The following KCND3 variants were observed in gnomAD, a reference collection of about 807,000 sequenced individuals.
KCND3 encodes potassium voltage-gated channel subfamily D member 3, also known as A-type voltage-gated potassium channel KCND3.
In KCND3, 9 loss-of-function variants were observed where a neutral mutation model predicts 51.1. The ratio of observed to expected loss-of-function variants is 0.18; its 90% confidence interval spans 0.11 to 0.31. The LOEUF is 0.31. KCND3 is among the 10% of genes least tolerant of loss of function. KCND3 has a pLI of 1.00. For missense variants in KCND3, 526 were observed against 903.8 expected (o/e 0.58, Z 5.36); for synonymous variants, 349 against 368.0 (o/e 0.95, Z 0.59).
At chr1:111,798,158 C>T (rs114665818) in intron 2 of KCND3, among the ~76,000 whole-genome samples, 4,422 of 152,268 alleles carry the variant, frequency 0.029, 90 homozygotes, top group Non-Finnish European at 0.043. Flanking sequence ...CCATCTCTAG[C>T]GAAGCTCCCA....
chr1:111,980,549 A>T (rs1485167172), intron 2 of KCND3, among the ~76,000 whole-genome samples: 1 of 152,198 alleles, frequency 6.6e-6, no homozygotes, highest in African/African-American at 2.4e-5. Context: ...AAGACAAAAT[A>T]AAAAGCTTCA....
At chr1:111,781,525 T>C (rs75934268) in intron 3 of KCND3, among the ~76,000 whole-genome samples, 1,675 of 152,258 alleles carry the variant, frequency 0.011, 26 homozygotes, top group African/African-American at 0.039. Flanking sequence ...ATGTATATGG[T>C]TTTTTTATTT....
intron 2 of KCND3, among the ~76,000 whole-genome samples, chr1:111,947,967 C>T (rs1193609862): frequency 2.0e-5 from 3 of 152,182 alleles, no homozygotes; most frequent in Non-Finnish European, 4.4e-5. Flanking sequence ...GTCAGGTAAG[C>T]AGTCAGGGGG....
chr1:111,984,918 C>T (rs1419872738), intron 1 of KCND3, among the ~76,000 whole-genome samples: 10 of 152,166 alleles, frequency 6.6e-5, no homozygotes, highest in Admixed American at 5.9e-4. Context: ...GCTCTTGACT[C>T]GTTGTTTGCC....
intron 2 of KCND3, among the ~76,000 whole-genome samples, chr1:111,827,545 T>A (rs1416794776): frequency 6.6e-6 from 1 of 152,216 alleles, no homozygotes; most frequent in Non-Finnish European, 1.5e-5. Context: ...ATAATCACAG[T>A]GGCAGCAGCT....
At chr1:111,973,377 C>T (rs929702069) in intron 2 of KCND3, among the ~76,000 whole-genome samples, 1 of 152,210 alleles carries the variant, frequency 6.6e-6, no homozygotes, top group Admixed American at 6.5e-5. Flanking sequence ...GTAGAGATTT[C>T]CCAGTCTCCT....
intron 2 of KCND3, among the ~76,000 whole-genome samples, chr1:111,976,684 A>G (rs968100632): frequency 3.3e-5 from 5 of 152,248 alleles, no homozygotes; most frequent in Admixed American, 3.3e-4. Context: ...AAGAGGAGGC[A>G]AGAGAAGTGT....
chr1:111,957,798 T>C (rs573132664), intron 2 of KCND3, among the ~76,000 whole-genome samples: 1 of 152,220 alleles, frequency 6.6e-6, no homozygotes, highest in Non-Finnish European at 1.5e-5. Context: ...CTCATTTACC[T>C]ATTGTCTATG....
intron 2 of KCND3, among the ~76,000 whole-genome samples, chr1:111,865,848 G>A (rs1334342149): frequency 6.6e-6 from 1 of 152,112 alleles, no homozygotes; most frequent in Admixed American, 6.5e-5. Context: ...GAGACTACAG[G>A]TATGCACCAT....
chr1:111,970,944 A>T (rs1354478014), intron 2 of KCND3, among the ~76,000 whole-genome samples: 1 of 152,126 alleles, frequency 6.6e-6, no homozygotes, highest in Non-Finnish European at 1.5e-5. Context: ...TGTCTCCTAG[A>T]GGGGGCAGGT....
chr1:111,981,920 G>C lies in KCND3; in HGVS notation c.807C>G (p.Pro269=). The stretch of plus-strand genomic sequence containing the variant: ...TGGTCATGACCAGACCGATGTAGTA[G>C]GGCATGATGGCCACCACGTCGATGA... ...MSIIDVVAIM[P]YYIGLVMTNN... Residue 269 remains proline (P), a synonymous_variant, in exon 2 of 8, where the codon CCC becomes CCG. Coordinates refer to ENST00000302127, the MANE Select transcript of KCND3 (RefSeq NM_001378969.1). This position sits in a 1 kb window ranked among gnomAD's most constrained non-coding sequence, Gnocchi z 6.2. 1 of 1,614,144 alleles carries C rather than the reference G, an allele frequency of 6.2e-7. No homozygotes were observed. The highest frequency in any genetic ancestry group is 8.5e-7 in the Non-Finnish European group (1 of 1,180,022).
chr1:111,962,621 C>A (rs911728678), intron 2 of KCND3, among the ~76,000 whole-genome samples: 1 of 152,190 alleles, frequency 6.6e-6, no homozygotes, highest in Non-Finnish European at 1.5e-5. Flanking sequence ...TTTGATCAGG[C>A]GAAAGCCTAT....
In KCND3 at chr1:111,832,035, A is replaced by G. The variant is rs112097560; in HGVS notation, c.1107-44929T>C. 2.6e-3 allele frequency among the ~76,000 whole-genome samples: 397 copies of G among 152,274 alleles called. 5 individuals carry two copies. The highest frequency in any genetic ancestry group is 9.3e-3 in the African/African-American group (386 of 41,542). On this transcript the variant is annotated intron_variant, in intron 2 of 7. Transcript: ENST00000302127. ...CTCAATGGGGGGAATATACTGCTTT[A>G]ATCATAACTCTAGCTGGAACAGCCT... is the stretch of plus-strand genomic sequence containing the variant.
rs184676970 is a variant in KCND3 at position 111,858,303 on chromosome 1, G to A, written c.1107-71197C>T. 3.7e-4 allele frequency among the ~76,000 whole-genome samples: 56 copies of A among 152,152 alleles called. 1 individual carries two copies. Among genetic ancestry groups the A allele is most frequent in the African/African-American group, 1.2e-3 (50 of 41,516 alleles). On this transcript the variant is annotated intron_variant, in intron 2 of 7. Coordinates refer to ENST00000302127, the MANE Select transcript of KCND3 (RefSeq NM_001378969.1). ...CTCTTAGGGACTGCCTTACTTTGAC[G>A]CTTCAAAGTGTCCAGTTCTCTCCTC... is the stretch of plus-strand genomic sequence containing the variant.
chr1:111,861,536 C>T (rs1323778209), intron 2 of KCND3, among the ~76,000 whole-genome samples: 2 of 152,200 alleles, frequency 1.3e-5, no homozygotes, highest in African/African-American at 4.8e-5. Flanking sequence ...TTGTCCCAGG[C>T]CCACTGCAGG....
intron 3 of KCND3, among the ~76,000 whole-genome samples, chr1:111,782,180 C>A (rs1014774785): frequency 6.6e-6 from 1 of 152,304 alleles, no homozygotes; most frequent in African/African-American, 2.4e-5. Flanking sequence ...TCCTGCTGGG[C>A]TGGTTCATCT....
At chr1:111,802,495 A>G (rs1665361634) in intron 2 of KCND3, among the ~76,000 whole-genome samples, 1 of 152,230 alleles carries the variant, frequency 6.6e-6, no homozygotes, top group African/African-American at 2.4e-5. Flanking sequence ...ACTTCGGGGC[A>G]GCGACTTAGA....
chr1:111,779,300 C>T (rs1238259004), intron 5 of KCND3, among the ~76,000 whole-genome samples: 1 of 151,970 alleles, frequency 6.6e-6, no homozygotes, highest in African/African-American at 2.4e-5. Context: ...GTCCCTGCAG[C>T]CCCACACCCC....
At chr1:111,838,131 G>A (rs1416917269) in intron 2 of KCND3, among the ~76,000 whole-genome samples, 1 of 152,172 alleles carries the variant, frequency 6.6e-6, no homozygotes, top group African/African-American at 2.4e-5. Flanking sequence ...CTGTTTGGAA[G>A]GAAGTCACTA....
Sources: gnomAD v4.1 joint callset for allele counts (sites outside exome capture counted in the v4.1 genomes callset) on GRCh38, gnomAD v4.1.1 for gene constraint, Gnocchi (gnomAD v3.1) non-coding constraint, MANE v1.5 for transcripts, NCBI Gene and HGNC (gene_info 2026-07-23, HGNC 2026-07-21) for gene names.